Variants in NFIX observed in about 807,000 individuals in gnomAD.
The protein encoded by NFIX is nuclear factor 1 X-type.
A neutral mutation model predicts 53.3 loss-of-function variants in NFIX; 2 were observed. The ratio of observed to expected loss-of-function variants is 0.04; its 90% CI spans 0.02 to 0.12. The LOEUF (loss-of-function observed/expected upper bound fraction) is 0.12. Among genes scored for constraint, NFIX ranks in the 10% least tolerant of loss-of-function variants. The probability of loss-of-function intolerance (pLI) is 1.00; values close to 1 mark genes in which losing one functional copy is unlikely to be tolerated. For synonymous variants in NFIX, 244 were observed against 289.0 expected, an observed-to-expected ratio of 0.84 and a Z score of 1.58; for missense variants, 310 against 674.5, an observed-to-expected ratio of 0.46 and a Z score of 5.99.
intron 1 of NFIX, chr19:13,023,940 T>TG: frequency 4.7e-6 from 1 of 212,736 alleles, no homozygotes; most frequent in Non-Finnish European, 8.7e-6. Context: ...CTCCTCCTCC[T>TG]CCCCCCTCCC....
chr19:13,087,398 T>G (rs1055558840), intron 8 of NFIX, among the ~76,000 whole-genome samples: 6 of 152,082 alleles, frequency 3.9e-5, no homozygotes, highest in Admixed American at 6.5e-5. Flanking sequence ...AGAGAACAGG[T>G]CAGCACCCTA....
rs761808842 is a variant in NFIX at position 13,073,379 on chromosome 19, C to T, written c.623-43C>T. 2.0e-6 allele frequency: 3 copies of T among 1,532,332 alleles called. No homozygotes were observed. Among genetic ancestry groups the T allele is most frequent in the Non-Finnish European group, 2.7e-6 (3 of 1,105,540 alleles). 94.9% of individuals were successfully genotyped at this position (1,532,332 alleles called of 1,614,324 possible). A position where few individuals can be genotyped will look rare whatever the true frequency, so the allele number is the denominator to read the frequency against. On this transcript the variant is annotated intron_variant, in intron 3 of 10. Transcript: ENST00000592199. This position sits in a 1 kb window ranked among gnomAD's most constrained non-coding sequence, Gnocchi z 4.5. ...CCTTTGGAAATAGCCAGGCAGCCCCCTTCTGGCCTTGTCTTGACTCACTCA... is the reference window on the plus strand; with the variant it reads ...CCTTTGGAAATAGCCAGGCAGCCCCTTTCTGGCCTTGTCTTGACTCACTCA...
chr19:13,076,147 A>C (rs1310027042), intron 6 of NFIX, among the ~76,000 whole-genome samples: 1 of 152,164 alleles, frequency 6.6e-6, no homozygotes, highest in Non-Finnish European at 1.5e-5. Context: ...TTTGATGACC[A>C]AAAACGCCTC....
chr19:13,009,683 G>A lies in NFIX; in HGVS notation c.27+13819G>A, dbSNP rs375962474. Among the ~76,000 whole-genome samples, 3 of 152,178 alleles carry A rather than the reference G, an allele frequency of 2.0e-5. No individual in the cohort carries two copies. Among genetic ancestry groups the A allele is most frequent in the African/African-American group, 7.2e-5 (3 of 41,438 alleles). On this transcript the variant is annotated intron_variant, in intron 1 of 10. Coordinates refer to ENST00000592199, the MANE Select transcript of NFIX (RefSeq NM_001365902.3). The surrounding 1 kb of genome is among the most constrained non-coding windows in gnomAD (Gnocchi z 4.7). ...CCCCTGGCTGGGAAAACAGGGCCAC[G>A]CCCTCCCCACCAAATGCTACTTGGC...
In NFIX at chr19:13,073,613, G is replaced by T; in HGVS notation, c.697+117G>T. The T allele has an allele frequency of 1.0e-6, 1 of 967,706 alleles. No homozygotes were observed. Among genetic ancestry groups the T allele is most frequent in the South Asian group, 1.4e-5 (1 of 71,164 alleles). The allele number at this position is 967,706 out of a possible 1,614,324, so 59.9% of individuals were successfully genotyped here. On this transcript the variant is annotated intron_variant, in intron 4 of 10. Transcript: ENST00000592199. The surrounding 1 kb of genome is among the most constrained non-coding windows in gnomAD (Gnocchi z 4.5). ...AGGTGGATGGGAACAGATGCTTTCT[G>T]GGACACTCTCGGCTTCACTGGTGCT...
chr19:13,006,050 G>A lies in NFIX; in HGVS notation c.27+10186G>A, dbSNP rs1425198324. Among the ~76,000 whole-genome samples, 2 of 152,212 alleles carry A rather than the reference G, an allele frequency of 1.3e-5. No individual in the cohort carries two copies. The highest frequency in any genetic ancestry group is 2.9e-5 in the Non-Finnish European group (2 of 68,038). On this transcript the variant is annotated intron_variant, in intron 1 of 10. Coordinates refer to ENST00000592199, the MANE Select transcript of NFIX (RefSeq NM_001365902.3). The surrounding 1 kb of genome is among the most constrained non-coding windows in gnomAD (Gnocchi z 5.6). ...GCTCTGTTTTAGGCCCCGGGGGCTC[G>A]GCAGGGAGCAAAATCTGCAAAGATG...
Position 13,067,143 on chromosome 19 carries a change from A to G in NFIX, c.560-5904A>G, listed in dbSNP as rs2016455107. On this transcript the variant is annotated intron_variant, in intron 2 of 10. Coordinates refer to ENST00000592199, the MANE Select transcript of NFIX (RefSeq NM_001365902.3). The surrounding 1 kb of genome is among the most constrained non-coding windows in gnomAD (Gnocchi z 4.2). The stretch of plus-strand genomic sequence containing the variant: ...TCCAGAATCTCAGAGGAAGCGGGAG[A>G]GAAGTAGGAGGCGGGTGCAGTGCTG... 6.6e-6 allele frequency among the ~76,000 whole-genome samples: 1 copy of G among 152,088 alleles called. No individual in the cohort carries two copies. Among genetic ancestry groups the G allele is most frequent in the African/African-American group, 2.4e-5 (1 of 41,400 alleles).
At chr19:13,083,581 C>T (rs561035903) in intron 8 of NFIX, among the ~76,000 whole-genome samples, 4 of 152,300 alleles carry the variant, frequency 2.6e-5, no homozygotes, top group Admixed American at 2.6e-4. Flanking sequence ...ACTCATTTTG[C>T]CTAGAAGCTT....
Position 13,086,304 on chromosome 19 carries a change from C to T in NFIX, c.1255-1685C>T, listed in dbSNP as rs181238729. 8.5e-5 allele frequency among the ~76,000 whole-genome samples: 13 copies of T among 152,228 alleles called. No individual in the cohort carries two copies. In the East Asian group the frequency reaches 2.5e-3, roughly 29 times the overall value. ...GAAGGTTTCAGAGGACTGGAGAAAC[C>T]TGAGCTGATGTGGATTTGGGGGAGA... On this transcript the variant is annotated intron_variant, in intron 8 of 10. Transcript: ENST00000592199.
Position 12,996,602 on chromosome 19 carries a change from C to A in NFIX, c.27+738C>A, listed in dbSNP as rs1460704613. Among the ~76,000 whole-genome samples, 1 of 152,214 alleles carries A rather than the reference C, an allele frequency of 6.6e-6. No homozygotes were observed. Among genetic ancestry groups the A allele is most frequent in the African/African-American group, 2.4e-5 (1 of 41,466 alleles). On this transcript the variant is annotated intron_variant, in intron 1 of 10. Coordinates refer to ENST00000592199, the MANE Select transcript of NFIX (RefSeq NM_001365902.3). This position sits in a 1 kb window ranked among gnomAD's most constrained non-coding sequence, Gnocchi z 5.2. ...GACGTCGCAGCCTCTGCCCCCCCAC[C>A]CCCAAACTTTCCTCGGCGCAAACTT...
At chr19:13,038,895 T>G (rs750694377) in intron 2 of NFIX, among the ~76,000 whole-genome samples, 2 of 152,144 alleles carry the variant, frequency 1.3e-5, no homozygotes, top group Non-Finnish European at 2.9e-5. Flanking sequence ...GCCCAACTTT[T>G]GAGTTTGGAC....
intron 2 of NFIX, among the ~76,000 whole-genome samples, chr19:13,038,315 C>T (rs1297712527): frequency 6.6e-6 from 1 of 152,164 alleles, no homozygotes; most frequent in East Asian, 1.9e-4. Flanking sequence ...GCAAAGCCTG[C>T]CTGTTTTCCC....
chr19:13,019,317 A>G (rs1000138926), intron 1 of NFIX, among the ~76,000 whole-genome samples: 8 of 151,976 alleles, frequency 5.3e-5, no homozygotes, highest in African/African-American at 1.4e-4. Flanking sequence ...ATATTTTCCT[A>G]TTTTTCTTCA....
intron 1 of NFIX, among the ~76,000 whole-genome samples, chr19:12,997,027 C>T (rs747435356): frequency 3.3e-5 from 5 of 152,236 alleles, no homozygotes; most frequent in Non-Finnish European, 5.9e-5. Context: ...GCTGCTTAGC[C>T]CTGCTGCCAG....
At position 13,059,739 on chromosome 19, in the gene NFIX, CTT is replaced by C. The variant is rs111906867; in HGVS notation, c.560-13294_560-13293del. On this transcript the variant is annotated intron_variant, in intron 2 of 10. Transcript: ENST00000592199. ...GGTGTGCTGCAGGGCAAGAGGGATG[CTT>C]TTTTTTTTTTTTTCTAATTTGATTT... Among the ~76,000 whole-genome samples the C allele has an allele frequency of 8.8e-4, 63 of 71,826 alleles. 1 individual carries two copies. The highest frequency in any genetic ancestry group is 8.3e-3 in the South Asian group (17 of 2,044). The allele number at this position is 71,826 out of a possible 152,430, so 47.1% of individuals were successfully genotyped here. A position where few individuals can be genotyped will look rare whatever the true frequency, so the allele number is the denominator to read the frequency against.
At chr19:13,008,150 C>T (rs965517241) in intron 1 of NFIX, among the ~76,000 whole-genome samples, 5 of 152,180 alleles carry the variant, frequency 3.3e-5, no homozygotes, top group African/African-American at 1.2e-4. Context: ...GGTGGGGTTT[C>T]GCCATGTTGG....
chr19:13,092,480 C>T (rs972919128), intron 10 of NFIX, among the ~76,000 whole-genome samples: 1 of 152,210 alleles, frequency 6.6e-6, no homozygotes, highest in Non-Finnish European at 1.5e-5. Flanking sequence ...TGGCAGTTGT[C>T]CCCAACTGTA....
chr19:13,096,185 C>T lies in NFIX; in HGVS notation c.*1536C>T, dbSNP rs1308102433. 6.5e-6 allele frequency: 1 copy of T among 153,084 alleles called. No homozygotes were observed. The highest frequency in any genetic ancestry group is 1.5e-5 in the Non-Finnish European group (1 of 68,388). The allele number at this position is 153,084 out of a possible 1,614,324, so 9.5% of individuals were successfully genotyped here. ...CTCCTGCGTCTCCCGTTCCTGGCCC[C>T]TTCTTGAGTCCTTGTGCCTCTCTCT... On this transcript the variant is annotated 3_prime_UTR_variant, in exon 11 of 11. Coordinates refer to ENST00000592199, the MANE Select transcript of NFIX (RefSeq NM_001365902.3).
chr19:13,000,048 C>G (rs547172158), intron 1 of NFIX, among the ~76,000 whole-genome samples: 1 of 152,336 alleles, frequency 6.6e-6, no homozygotes, highest in East Asian at 1.9e-4. Flanking sequence ...GTGCTCCAGT[C>G]TCTCTAGGGC....
Sources: gnomAD v4.1 joint callset for allele counts (sites outside exome capture counted in the v4.1 genomes callset) on GRCh38, gnomAD v4.1.1 for gene constraint, Gnocchi (gnomAD v3.1) non-coding constraint, MANE v1.5 for transcripts, NCBI Gene and HGNC (gene_info 2026-07-23, HGNC 2026-07-21) for gene names.